The following TMEM132C variants were observed in gnomAD, a reference collection of about 807,000 sequenced individuals.
TMEM132C encodes transmembrane protein 132C.
Under a neutral mutation model 61.4 loss-of-function variants are expected in TMEM132C, and 29 were observed. The observed-to-expected ratio is 0.47, with a 90% confidence interval of 0.35 to 0.64. TMEM132C has a LOEUF of 0.64. Ranked by LOEUF, TMEM132C falls within the 30% of genes least tolerant of loss-of-function variation. The probability of loss-of-function intolerance (pLI) is 0.00; values close to 1 mark genes in which losing one functional copy is unlikely to be tolerated. For synonymous variants in TMEM132C, 656 were observed against 633.1 expected (o/e 1.04, Z -0.54); for missense variants, 1,408 against 1,476.9 (o/e 0.95, Z 0.76).
At chr12:128,286,235 GT>G (rs955363861) in intron 1 of TMEM132C, among the ~76,000 whole-genome samples, 2 of 151,536 alleles carry the variant, frequency 1.3e-5, no homozygotes, top group East Asian at 3.9e-4. Flanking sequence ...TCTCAGGAAG[GT>G]CTTTGCTTCC....
intron 1 of TMEM132C, among the ~76,000 whole-genome samples, chr12:128,304,384 G>A (rs1483661441): frequency 6.6e-6 from 1 of 151,972 alleles, no homozygotes; most frequent in Non-Finnish European, 1.5e-5. Context: ...TGGGTGGGTA[G>A]ATCATTTGAG....
Position 128,326,515 on chromosome 12 carries a change from T to C in TMEM132C, c.85+59028T>C, listed in dbSNP as rs1872522398. ...GGGGTCTTGGTTTTCCATCCTGCCC[T>C]GAGCCTAGTGTGAGGTGGAGCAGCC... On this transcript the variant is annotated intron_variant, in intron 1 of 8. Coordinates refer to ENST00000435159, the MANE Select transcript of TMEM132C (RefSeq NM_001136103.3). The surrounding 1 kb of genome is among the most constrained non-coding windows in gnomAD (Gnocchi z 5.6). 6.6e-6 allele frequency among the ~76,000 whole-genome samples: 1 copy of C among 152,250 alleles called. No individual in the cohort carries two copies.
At chr12:128,493,135 G>A (rs1233692050) in intron 2 of TMEM132C, among the ~76,000 whole-genome samples, 1 of 151,266 alleles carries the variant, frequency 6.6e-6, no homozygotes, top group African/African-American at 2.4e-5. Flanking sequence ...GTTTTTGTCA[G>A]GTTTGTCAAA....
At chr12:128,524,494 CTGT>C (rs1283850385) in intron 2 of TMEM132C, among the ~76,000 whole-genome samples, 3 of 152,198 alleles carry the variant, frequency 2.0e-5, no homozygotes, top group Non-Finnish European at 4.4e-5. Context: ...CTTCTTTCTC[CTGT>C]TGTTCACCTT....
Position 128,619,797 on chromosome 12 carries a change from G to A in TMEM132C, c.1305+3462G>A, listed in dbSNP as rs1169165447. Among the ~76,000 whole-genome samples, 7 of 152,336 alleles carry A rather than the reference G, an allele frequency of 4.6e-5. No individual in the cohort carries two copies. The East Asian group carries it at 7.7e-4, about 17-fold the overall frequency. On this transcript the variant is annotated intron_variant, in intron 4 of 8. Transcript: ENST00000435159. ...AAGGAGCATTTGGGACAACTAAAAT[G>A]TTGGCAGTTCAGTTCTTCTTCAATG...
At chr12:128,515,651 G>GT (rs1190160467) in intron 2 of TMEM132C, among the ~76,000 whole-genome samples, 1 of 152,124 alleles carries the variant, frequency 6.6e-6, no homozygotes, top group Non-Finnish European at 1.5e-5. Flanking sequence ...GGCTAACACA[G>GT]TAAAACCCCG....
At chr12:128,267,976 T>C (rs1034853131) in intron 1 of TMEM132C, among the ~76,000 whole-genome samples, 25 of 152,200 alleles carry the variant, frequency 1.6e-4, no homozygotes, top group Non-Finnish European at 2.8e-4. Context: ...GGCCCGGTTC[T>C]TTGCATCCCC....
intron 2 of TMEM132C, chr12:128,438,015 G>C (rs933533206): frequency 1.7e-4 from 26 of 152,182 alleles, no homozygotes; most frequent in Admixed American, 1.4e-3. Context: ...TATCTTCTAT[G>C]TTCAGGGGCT....
chr12:128,456,967 T>C (rs1870367494), intron 2 of TMEM132C, among the ~76,000 whole-genome samples: 2 of 152,188 alleles, frequency 1.3e-5, no homozygotes, highest in Admixed American at 6.5e-5. Flanking sequence ...GATTCATCCA[T>C]GTTGTTGCAT....
rs182085866 is a variant in TMEM132C, at chr12:128,457,929, C to T, written c.974+42309C>T. On this transcript the variant is annotated intron_variant, in intron 2 of 8. Coordinates refer to ENST00000435159, the MANE Select transcript of TMEM132C (RefSeq NM_001136103.3). ...GACCAGAGTCCCTGTTTTGCACTGC[C>T]GGCCACATGACAGTGGGAGTTGTCA... 8.5e-5 allele frequency among the ~76,000 whole-genome samples: 13 copies of T among 152,116 alleles called. 1 individual carries two copies. In the South Asian group the frequency reaches 1.7e-3, roughly 19 times the overall value.
intron 1 of TMEM132C, among the ~76,000 whole-genome samples, chr12:128,397,828 G>A (rs1255215134): frequency 6.6e-6 from 1 of 152,078 alleles, no homozygotes; most frequent in African/African-American, 2.4e-5. Flanking sequence ...CTTCCCATCT[G>A]AGCCCTTCCC....
At chr12:128,487,063 A>C (rs1309428197) in intron 2 of TMEM132C, among the ~76,000 whole-genome samples, 1 of 152,182 alleles carries the variant, frequency 6.6e-6, no homozygotes, top group Non-Finnish European at 1.5e-5. Context: ...AAAGTGGAGA[A>C]AGGGGTGCCA....
chr12:128,443,721 T>C (rs1869875305), intron 2 of TMEM132C, among the ~76,000 whole-genome samples: 1 of 152,114 alleles, frequency 6.6e-6, no homozygotes, highest in Non-Finnish European at 1.5e-5. Context: ...TTCATCCCGC[T>C]TCCCCACACT....
chr12:128,433,460 TTAAA>T (rs1207291004), intron 2 of TMEM132C, among the ~76,000 whole-genome samples: 1 of 152,238 alleles, frequency 6.6e-6, no homozygotes, highest in Non-Finnish European at 1.5e-5. Flanking sequence ...AATTATTTGC[TTAAA>T]TAAACTTTAA....
intron 1 of TMEM132C, among the ~76,000 whole-genome samples, chr12:128,321,965 C>G (rs1448628958): frequency 6.6e-6 from 1 of 152,188 alleles, no homozygotes; most frequent in Non-Finnish European, 1.5e-5. Flanking sequence ...TTTGGCCCAC[C>G]TGAAGTGCCA....
Position 128,705,754 on chromosome 12 carries a change from C to G in TMEM132C, c.2786C>G (p.Ala929Gly). Reference protein sequence around the residue: ...GLSDLEIGMYALLGVFCLAIL... With the variant: ...GLSDLEIGMYGLLGVFCLAIL... ...AGTGATCTGGAGATAGGGATGTACG[C>G]CCTCCTGGGGGTGTTCTGCCTGGCC... Residue 929 changes from alanine (A) to glycine (G), a missense_variant, in exon 9 of 9, where the codon GCC (alanine) becomes GGC (glycine). Coordinates refer to ENST00000435159, the MANE Select transcript of TMEM132C (RefSeq NM_001136103.3). The G allele has an allele frequency of 6.4e-7, 1 of 1,551,494 alleles. No homozygotes were observed. The highest frequency in any genetic ancestry group is 2.4e-5 in the East Asian group (1 of 40,912).
At chr12:128,286,375 GAT>G (rs1393651169) in intron 1 of TMEM132C, among the ~76,000 whole-genome samples, 1 of 152,176 alleles carries the variant, frequency 6.6e-6, no homozygotes, top group Non-Finnish European at 1.5e-5. Flanking sequence ...GAAGCACATT[GAT>G]TGGGCTATGA....
rs1980122 is a variant in TMEM132C at position 128,335,349 on chromosome 12, G to A, written c.85+67862G>A. Among the ~76,000 whole-genome samples, 233 of 152,258 alleles carry A rather than the reference G, an allele frequency of 1.5e-3. 2 individuals are homozygous for A. The highest frequency in any genetic ancestry group is 5.3e-3 in the African/African-American group (222 of 41,544). ...TCGTAATAAATAACTGTAAATTTGC[G>A]TTTATGCAATAAAGGTACATTTGTG... is the stretch of plus-strand genomic sequence containing the variant. On this transcript the variant is annotated intron_variant, in intron 1 of 8. Coordinates refer to ENST00000435159, the MANE Select transcript of TMEM132C (RefSeq NM_001136103.3).
intron 2 of TMEM132C, among the ~76,000 whole-genome samples, chr12:128,495,037 A>G (rs1195649043): frequency 8.5e-6 from 1 of 118,116 alleles, no homozygotes; most frequent in Admixed American, 8.8e-5. Context: ...AGATTCTGGT[A>G]TGTTGTCTTT....
Sources: allele counts gnomAD v4.1 joint callset (sites outside exome capture counted in the v4.1 genomes callset), GRCh38; gene constraint gnomAD v4.1.1; non-coding constraint Gnocchi (gnomAD v3.1); transcripts MANE v1.5; gene names NCBI Gene and HGNC (gene_info 2026-07-23, HGNC 2026-07-21).